COLEC12: variants seen among roughly 807,000 people sequenced by gnomAD.
The protein encoded by COLEC12 is collectin subfamily member 12, also known as collectin-12.
COLEC12 carries 33 observed loss-of-function variants against 71.1 expected under a neutral mutation model. The ratio of observed to expected loss-of-function variants is 0.46; its 90% CI spans 0.35 to 0.62. The LOEUF (loss-of-function observed/expected upper bound fraction) is 0.62. COLEC12 is among the 20% of genes least tolerant of loss of function. The pLI, the probability that COLEC12 is intolerant of heterozygous loss-of-function variation, is 0.00. For synonymous variants in COLEC12, 350 were observed against 353.0 expected (o/e 0.99, Z 0.10); for missense variants, 765 against 916.1 (o/e 0.84, Z 2.13).
chr18:469,235 C>A (rs1335526707), intron 2 of COLEC12, among the ~76,000 whole-genome samples: 2 of 152,252 alleles, frequency 1.3e-5, no homozygotes, highest in Non-Finnish European at 2.9e-5. Flanking sequence ...GAACCTAGAA[C>A]ACCACCAGAC....
rs1913976504 is a variant in COLEC12, at chr18:331,384, A to T, written c.2063+284T>A. ...AGCATTTAAAGAAAATGACTTGGCCAGAAGTATTATGCTGTGTGGTTTTAT... is the reference window on the plus strand; with the variant it reads ...AGCATTTAAAGAAAATGACTTGGCCTGAAGTATTATGCTGTGTGGTTTTAT... On this transcript the variant is annotated intron_variant, in intron 8 of 9. Transcript: ENST00000400256. Among the ~76,000 whole-genome samples the T allele has an allele frequency of 2.0e-5, 3 of 152,216 alleles. No homozygotes were observed. In the South Asian group the frequency reaches 6.2e-4, roughly 31 times the overall value.
chr18:366,879 G>A (rs896572696), intron 2 of COLEC12, among the ~76,000 whole-genome samples: 2 of 152,218 alleles, frequency 1.3e-5, no homozygotes, highest in African/African-American at 2.4e-5. Flanking sequence ...GGGCCTGACA[G>A]TTAAAACACT....
rs538601561 is a variant in COLEC12, at chr18:353,564, G to T, written c.181+3836C>A. On this transcript the variant is annotated intron_variant, in intron 3 of 9. Transcript: ENST00000400256. Reference sequence around the variant, plus strand: ...TATTTCTGTTTATATTCTCTTTAAAGTTAACATCACCAGACATTTACCAAG... The same window carrying T: ...TATTTCTGTTTATATTCTCTTTAAATTTAACATCACCAGACATTTACCAAG... Among the ~76,000 whole-genome samples the T allele has an allele frequency of 8.5e-5, 13 of 152,290 alleles. 1 individual carries two copies. The South Asian group carries it at 2.7e-3, about 32-fold the overall frequency.
rs751632960 is a variant in COLEC12, at chr18:334,971, CG to C, written c.1586del (p.Pro529ArgfsTer117). The part of the protein sequence containing the change: ...PQGSSGDPGP[P>X]GPPGKEGLPG... The stretch of plus-strand genomic sequence containing the variant: ...GGAGTCCCTCTTTGCCTGGTGGGCC[CG>C]GGGGGCCTGGGTCCCCACTGGAGCC... On this transcript the variant is annotated frameshift_variant, in exon 6 of 10. Coordinates refer to ENST00000400256, the MANE Select transcript of COLEC12 (RefSeq NM_130386.3). LOFTEE classifies it high-confidence loss of function. 2.6e-6 allele frequency: 4 copies of C among 1,560,958 alleles called. No individual in the cohort carries two copies. Among genetic ancestry groups the C allele is most frequent in the South Asian group, 1.2e-5 (1 of 84,720 alleles).
rs1913594283 is a variant in COLEC12 at position 318,128 on chromosome 18, CACCGCGCCCGGCT to C, written c.*1904_*1916del. 1.8e-5 allele frequency: 2 copies of C among 112,802 alleles called. No homozygotes were observed. Among genetic ancestry groups the C allele is most frequent in the South Asian group, 6.2e-4 (2 of 3,250 alleles). 7.0% of individuals were successfully genotyped at this position (112,802 alleles called of 1,614,324 possible). A position where few individuals can be genotyped will look rare whatever the true frequency, so the allele number is the denominator to read the frequency against. On this transcript the variant is annotated 3_prime_UTR_variant, in exon 10 of 10. Coordinates refer to ENST00000400256, the MANE Select transcript of COLEC12 (RefSeq NM_130386.3). Reference sequence around the variant, plus strand: ...AGTAGCTGGGACTACAGGCGCCCGCCACCGCGCCCGGCTAATTTTTTTTTTGTATTTTTAGTAG... The same window carrying C: ...AGTAGCTGGGACTACAGGCGCCCGCCAATTTTTTTTTTGTATTTTTAGTAG...
intron 2 of COLEC12, among the ~76,000 whole-genome samples, chr18:414,280 C>T (rs1428861502): frequency 6.6e-6 from 1 of 152,058 alleles, no homozygotes; most frequent in East Asian, 1.9e-4. Flanking sequence ...AAAAGCAAAA[C>T]AAAATAAATG....
intron 8 of COLEC12, among the ~76,000 whole-genome samples, chr18:329,405 G>A (rs553460037): frequency 7.2e-5 from 11 of 152,136 alleles, no homozygotes; most frequent in African/African-American, 2.2e-4. Context: ...AAAAGACCCC[G>A]GCGCTCTTGG....
intron 2 of COLEC12, among the ~76,000 whole-genome samples, chr18:445,667 C>G (rs918191222): frequency 7.5e-6 from 1 of 132,652 alleles, no homozygotes; most frequent in Non-Finnish European, 1.6e-5. Context: ...GGTTTTACTC[C>G]TGTCACTCAG....
At chr18:377,444 T>A (rs1463202886) in intron 2 of COLEC12, among the ~76,000 whole-genome samples, 1 of 152,212 alleles carries the variant, frequency 6.6e-6, no homozygotes, top group Non-Finnish European at 1.5e-5. Flanking sequence ...CAGTGTGCGC[T>A]GGGATATGCC....
In COLEC12 at chr18:347,199, C is replaced by A. The variant is rs146526528; in HGVS notation, c.423G>T (p.Ala141=). 6.2e-6 allele frequency: 10 copies of A among 1,614,148 alleles called. No individual in the cohort carries two copies. The South Asian group carries it at 1.1e-4, about 18-fold the overall frequency. ...KNKDTLEKLQ[A]SGDALVDRQS... ...GCCTGTCCACCAGAGCATCCCCGCT[C>A]GCCTGTAACTTCTCCAGCGTATCCT... Residue 141 remains alanine (A), a synonymous_variant, in exon 5 of 10, where the codon GCG becomes GCT. Coordinates refer to ENST00000400256, the MANE Select transcript of COLEC12 (RefSeq NM_130386.3).
At chr18:340,420 C>T (rs1375060140) in intron 5 of COLEC12, among the ~76,000 whole-genome samples, 8 of 152,262 alleles carry the variant, frequency 5.3e-5, no homozygotes, top group South Asian at 2.1e-4. Context: ...CCCAGGCCCA[C>T]GGTTCTGGGA....
At chr18:442,002 T>TACACACAC (rs56024245) in intron 2 of COLEC12, among the ~76,000 whole-genome samples, 1,311 of 120,724 alleles carry the variant, frequency 0.011, 17 homozygotes, top group Middle Eastern at 0.019. Flanking sequence ...TCTCTCTCTC[T>TACACACAC]ACACACACAC....
chr18:392,433 G>A (rs1434177117), intron 2 of COLEC12, among the ~76,000 whole-genome samples: 2 of 152,112 alleles, frequency 1.3e-5, no homozygotes, highest in African/African-American at 4.8e-5. Flanking sequence ...TCCTGTACAA[G>A]GTTTTTATGC....
At chr18:451,199 A>C (rs1011899310) in intron 2 of COLEC12, among the ~76,000 whole-genome samples, 2 of 152,226 alleles carry the variant, frequency 1.3e-5, no homozygotes, top group Admixed American at 1.3e-4. Flanking sequence ...GTCAGTGATC[A>C]CATCCATTCT....
chr18:480,874 CG>C lies in COLEC12; in HGVS notation c.8-118del. Reference sequence around the variant, plus strand: ...TTGTCACAGCAGCTTTCCTTCTGCTCGTGGATCGCACCAGGCTTTCTGGAAG... The same window carrying C: ...TTGTCACAGCAGCTTTCCTTCTGCTCTGGATCGCACCAGGCTTTCTGGAAG... On this transcript the variant is annotated intron_variant, in intron 1 of 9. Transcript: ENST00000400256. This position sits in a 1 kb window ranked among gnomAD's most constrained non-coding sequence, Gnocchi z 4.1. 1 of 908,966 alleles carries C rather than the reference CG, an allele frequency of 1.1e-6. No individual in the cohort carries two copies. The highest frequency in any genetic ancestry group is 1.8e-6 in the Non-Finnish European group (1 of 543,382). 56.3% of individuals were successfully genotyped at this position (908,966 alleles called of 1,614,324 possible). A position where few individuals can be genotyped will look rare whatever the true frequency, so the allele number is the denominator to read the frequency against.
At chr18:369,966 T>A (rs1433029219) in intron 2 of COLEC12, among the ~76,000 whole-genome samples, 1 of 152,030 alleles carries the variant, frequency 6.6e-6, no homozygotes, top group Non-Finnish European at 1.5e-5. Context: ...ATCTGGAAGA[T>A]ATTCTGTTTA....
At chr18:323,654 C>T (rs953637703) in intron 8 of COLEC12, among the ~76,000 whole-genome samples, 5 of 152,188 alleles carry the variant, frequency 3.3e-5, no homozygotes, top group Admixed American at 2.0e-4. Context: ...GCAGTTTAAT[C>T]TTGTGGACAT....
intron 2 of COLEC12, among the ~76,000 whole-genome samples, chr18:461,902 C>T (rs987597273): frequency 2.6e-5 from 4 of 152,188 alleles, no homozygotes; most frequent in African/African-American, 9.7e-5. Context: ...ATCCAGGCTA[C>T]ATGGTAGCAA....
intron 8 of COLEC12, among the ~76,000 whole-genome samples, chr18:324,278 T>C (rs761600457): frequency 2.6e-5 from 4 of 152,180 alleles, no homozygotes; most frequent in Non-Finnish European, 4.4e-5. Context: ...GAGAAGAATG[T>C]CAGCTTAAAT....
Sources: allele counts gnomAD v4.1 joint callset (sites outside exome capture counted in the v4.1 genomes callset), GRCh38; gene constraint gnomAD v4.1.1; non-coding constraint Gnocchi (gnomAD v3.1); transcripts MANE v1.5; gene names NCBI Gene and HGNC (gene_info 2026-07-23, HGNC 2026-07-21).